Variants in GABRB1 observed in about 807,000 individuals in gnomAD.
GABRB1 encodes gamma-aminobutyric acid type A receptor subunit beta1.
In GABRB1, 17 loss-of-function variants were observed where a neutral mutation model predicts 51.6. The ratio of observed to expected loss-of-function variants is 0.33; its 90% CI spans 0.23 to 0.49. The LOEUF is 0.49. GABRB1 is among the 20% of genes least tolerant of loss of function. GABRB1 has a pLI of 0.99. For synonymous variants in GABRB1, 247 were observed against 218.9 expected (o/e 1.13, Z -1.14); for missense variants, 410 against 600.6 (o/e 0.68, Z 3.32).
chr4:47,330,219 G>T (rs909520220), intron 5 of GABRB1, among the ~76,000 whole-genome samples: 1 of 152,096 alleles, frequency 6.6e-6, no homozygotes, highest in Non-Finnish European at 1.5e-5. Flanking sequence ...ACGTTGTGGG[G>T]GGCAAGCTGC....
intron 3 of GABRB1, among the ~76,000 whole-genome samples, chr4:47,146,608 G>A (rs1717180575): frequency 6.6e-6 from 1 of 151,982 alleles, no homozygotes; most frequent in Admixed American, 6.6e-5. Context: ...TCTCCGTGGA[G>A]GCATCTATCC....
At chr4:47,337,755 A>G (rs1360737793) in intron 5 of GABRB1, among the ~76,000 whole-genome samples, 1 of 144,192 alleles carries the variant, frequency 6.9e-6, no homozygotes, top group Non-Finnish European at 1.5e-5. Flanking sequence ...GGTTTCAGTG[A>G]GCCGACATCA....
chr4:47,425,524 C>T, intron 8 of GABRB1, 150 bp from the exon 9 acceptor site: 1 of 452,908 alleles, frequency 2.2e-6, no homozygotes, highest in Non-Finnish European at 3.8e-6. Context: ...ATAGATCGAT[C>T]GATCTATCTC....
At chr4:47,019,549 T>TTCTCTCTC (rs142639522) in intron 1 of GABRB1, among the ~76,000 whole-genome samples, 3,908 of 128,846 alleles carry the variant, frequency 0.03, 145 homozygotes, top group Middle Eastern at 0.039. Context: ...CAGGTTTAGT[T>TTCTCTCTC]TCTCTCTCTC....
intron 4 of GABRB1, among the ~76,000 whole-genome samples, chr4:47,217,623 A>G (rs148552262): frequency 6.6e-6 from 1 of 151,590 alleles, no homozygotes; most frequent in East Asian, 1.9e-4. Flanking sequence ...AGATTCTCTC[A>G]TACTCTCTTT....
At chr4:47,019,609 CTT>C (rs1316814677) in intron 1 of GABRB1, among the ~76,000 whole-genome samples, 26 of 100,936 alleles carry the variant, frequency 2.6e-4, no homozygotes, top group Admixed American at 2.4e-3. Context: ...TTCCTCCCTT[CTT>C]TCTTTCTTTC....
intron 4 of GABRB1, among the ~76,000 whole-genome samples, chr4:47,225,154 C>T (rs1159439067): frequency 1.3e-5 from 2 of 152,050 alleles, no homozygotes; most frequent in East Asian, 3.9e-4. Flanking sequence ...TTTGGCCTCC[C>T]AAAGTGCTGG....
intron 3 of GABRB1, among the ~76,000 whole-genome samples, chr4:47,040,420 T>G (rs1483805074): frequency 6.6e-6 from 1 of 151,986 alleles, no homozygotes; most frequent in Non-Finnish European, 1.5e-5. Context: ...CAGAAGCAAA[T>G]CAGAGGAATT....
chr4:47,025,771 T>C (rs150715428), intron 1 of GABRB1, among the ~76,000 whole-genome samples: 89 of 152,122 alleles, frequency 5.9e-4, no homozygotes, highest in African/African-American at 1.9e-3. Flanking sequence ...TAGCTATAAA[T>C]TGGAAACATA....
chr4:47,059,674 A>G (rs764771254), intron 3 of GABRB1, among the ~76,000 whole-genome samples: 127 of 152,364 alleles, frequency 8.3e-4, no homozygotes, highest in Non-Finnish European at 1.3e-3. Flanking sequence ...GCAGTATGCG[A>G]AGCAGGTGTT....
intron 3 of GABRB1, among the ~76,000 whole-genome samples, chr4:47,153,875 A>T (rs1391945341): frequency 6.6e-6 from 1 of 152,098 alleles, no homozygotes. Context: ...TGAAGCACAC[A>T]CTAGGCTACA....
At chr4:47,353,995 C>A (rs758424022) in intron 5 of GABRB1, among the ~76,000 whole-genome samples, 1 of 152,068 alleles carries the variant, frequency 6.6e-6, no homozygotes, top group Non-Finnish European at 1.5e-5. Context: ...AATGATCAAT[C>A]AGCATCCACC....
At chr4:47,269,162 G>T (rs556633802) in intron 4 of GABRB1, among the ~76,000 whole-genome samples, 188 of 152,142 alleles carry the variant, frequency 1.2e-3, no homozygotes, top group African/African-American at 4.0e-3. Context: ...CAGTCAATTT[G>T]TTACTTTTAG....
chr4:47,213,178 A>G (rs1720430923), intron 4 of GABRB1, among the ~76,000 whole-genome samples: 1 of 152,172 alleles, frequency 6.6e-6, no homozygotes, highest in Non-Finnish European at 1.5e-5. Context: ...TAGCCTCTCC[A>G]TAATCAGTAA....
chr4:47,153,971 A>C (rs1717573215), intron 3 of GABRB1, among the ~76,000 whole-genome samples: 1 of 152,064 alleles, frequency 6.6e-6, no homozygotes. Flanking sequence ...GTATTATAAC[A>C]AAACAAGACT....
chr4:47,388,920 G>T (rs985052813), intron 5 of GABRB1, among the ~76,000 whole-genome samples: 1 of 152,192 alleles, frequency 6.6e-6, no homozygotes, highest in Non-Finnish European at 1.5e-5. Context: ...AGGTGGGCAA[G>T]GATGTCATGG....
intron 5 of GABRB1, among the ~76,000 whole-genome samples, chr4:47,385,120 A>G (rs1050986174): frequency 6.6e-6 from 1 of 152,176 alleles, no homozygotes; most frequent in Non-Finnish European, 1.5e-5. Flanking sequence ...TTCCTTTTTA[A>G]CCAGAGCAGA....
At chr4:47,351,267 A>G (rs1202430193) in intron 5 of GABRB1, among the ~76,000 whole-genome samples, 1 of 152,212 alleles carries the variant, frequency 6.6e-6, no homozygotes, top group Non-Finnish European at 1.5e-5. Context: ...AGCCTCCTTC[A>G]TCTAATCCTC....
intron 3 of GABRB1, among the ~76,000 whole-genome samples, chr4:47,116,806 CACAGGCTGT>C (rs778582781): frequency 2.0e-5 from 3 of 152,064 alleles, no homozygotes; most frequent in Non-Finnish European, 2.9e-5. Context: ...CTCACAGTTC[CACAGGCTGT>C]ACAGGAAGTA....
Sources: gnomAD v4.1 joint callset for allele counts (sites outside exome capture counted in the v4.1 genomes callset) on GRCh38, gnomAD v4.1.1 for gene constraint, MANE v1.5 for transcripts, NCBI Gene and HGNC (gene_info 2026-07-23, HGNC 2026-07-21) for gene names.